IGSF3: variants seen among roughly 807,000 people sequenced by gnomAD.
IGSF3 encodes the protein glu-Trp-Ile EWI motif-containing protein 3.
Under a neutral mutation model 114.4 loss-of-function variants are expected in IGSF3, and 23 were observed. The ratio of observed to expected loss-of-function variants is 0.20; its 90% CI spans 0.14 to 0.28. The LOEUF (loss-of-function observed/expected upper bound fraction) is 0.28. IGSF3 is among the 10% of genes least tolerant of loss of function. IGSF3 has a pLI of 1.00. For missense variants in IGSF3, 1,172 were observed against 1,591.5 expected (o/e 0.74, Z 4.48); for synonymous variants, 571 against 645.2 (o/e 0.88, Z 1.74).
Position 116,666,377 on chromosome 1 carries a change from T to A in IGSF3, c.-51A>T. The stretch of plus-strand genomic sequence containing the variant: ...ACAAGGCGCTTCCTCTTCTCCCAGC[T>A]CCTAATCTCTCATTTCTGGCAATCC... On this transcript the variant is annotated 5_prime_UTR_variant, in exon 2 of 11. Coordinates refer to ENST00000369486, the MANE Select transcript of IGSF3 (RefSeq NM_001007237.3). 6.5e-7 allele frequency: 1 copy of A among 1,546,506 alleles called. No individual in the cohort carries two copies.
chr1:116,609,213 GCCT>G (rs1373333758), intron 4 of IGSF3, among the ~76,000 whole-genome samples: 1 of 151,880 alleles, frequency 6.6e-6, no homozygotes, highest in Non-Finnish European at 1.5e-5. Flanking sequence ...AACCCAAGCA[GCCT>G]CCTAAGATCT....
In IGSF3 at chr1:116,579,985, G is replaced by T; in HGVS notation, c.2849-108C>A. The T allele has an allele frequency of 9.9e-7, 1 of 1,014,572 alleles. No homozygotes were observed. Among genetic ancestry groups the T allele is most frequent in the Non-Finnish European group, 1.4e-6 (1 of 713,204 alleles). The allele number at this position is 1,014,572 out of a possible 1,614,324, so 62.8% of individuals were successfully genotyped here. ...CATGATAGTAACATCCATACTATAA[G>T]ATATTATGCACCTATTGAAAAGGCA... On this transcript the variant is annotated intron_variant, in intron 9 of 10. Transcript: ENST00000369486. The surrounding 1 kb of genome is among the most constrained non-coding windows in gnomAD (Gnocchi z 6.4).
intron 8 of IGSF3, among the ~76,000 whole-genome samples, chr1:116,587,072 C>T (rs535823670): frequency 6.6e-6 from 1 of 151,964 alleles, no homozygotes; most frequent in South Asian, 2.1e-4. Context: ...GGGCACAGGC[C>T]ACATGTGGAG....
rs1415042576 is a variant in IGSF3, at chr1:116,605,929, T to G, written c.1223-1904A>C. Among the ~76,000 whole-genome samples the G allele has an allele frequency of 6.6e-6, 1 of 152,162 alleles. No homozygotes were observed. The highest frequency in any genetic ancestry group is 1.5e-5 in the Non-Finnish European group (1 of 68,024). ...TTGAAAGGGCTACTGTTTGGTGGTG[T>G]CTGTTGCTTGAGCAAGCCTGGAAAC... On this transcript the variant is annotated intron_variant, in intron 5 of 10. Coordinates refer to ENST00000369486, the MANE Select transcript of IGSF3 (RefSeq NM_001007237.3). This position sits in a 1 kb window ranked among gnomAD's most constrained non-coding sequence, Gnocchi z 5.1.
chr1:116,667,236 AG>A (rs1649371681), intron 1 of IGSF3, among the ~76,000 whole-genome samples: 1 of 152,096 alleles, frequency 6.6e-6, no homozygotes, highest in African/African-American at 2.4e-5. Context: ...CGCCGCAGGT[AG>A]CCCCACCCTC....
At chr1:116,626,566 C>T (rs1185686839) in intron 2 of IGSF3, among the ~76,000 whole-genome samples, 2 of 152,100 alleles carry the variant, frequency 1.3e-5, no homozygotes, top group Non-Finnish European at 2.9e-5. Context: ...TGAATTTGTA[C>T]AATCCCCAGC....
At chr1:116,656,311 T>C (rs1648845444) in intron 2 of IGSF3, among the ~76,000 whole-genome samples, 1 of 140,244 alleles carries the variant, frequency 7.1e-6, no homozygotes, top group Admixed American at 7.1e-5. Context: ...TTTTTTTTTT[T>C]TTTTTTTTTG....
chr1:116,659,424 C>T (rs1038174694), intron 2 of IGSF3, among the ~76,000 whole-genome samples: 25 of 152,016 alleles, frequency 1.6e-4, no homozygotes, highest in African/African-American at 5.8e-4. Flanking sequence ...TGATTTTCCA[C>T]AAATATAAGC....
Position 116,608,002 on chromosome 1 carries a change from C to G in IGSF3, c.1162G>C (p.Glu388Gln). 2 of 1,613,972 alleles carry G rather than the reference C, an allele frequency of 1.2e-6. No individual in the cohort carries two copies. The highest frequency in any genetic ancestry group is 1.7e-6 in the Non-Finnish European group (2 of 1,179,840). The change falls in exon 5 of 11, where the codon GAA becomes CAA. Residue 388 changes from glutamate to glutamine, a missense_variant. By Grantham distance (29) the Glu-to-Gln change is conservative. Coordinates refer to ENST00000369486, the MANE Select transcript of IGSF3 (RefSeq NM_001007237.3). ...CGCTTGCTCTCCTTATCAATGAATTCCCCGGTCACGGTTTTCTCTCGCTCA... is the reference window on the plus strand; with the variant it reads ...CGCTTGCTCTCCTTATCAATGAATTGCCCGGTCACGGTTTTCTCTCGCTCA... ...VTEREKTVTG[E>Q]FIDKESKRPK...
chr1:116,603,654 C>A lies in IGSF3; in HGVS notation c.1594G>T (p.Ala532Ser), dbSNP rs760388991. 9 of 1,613,756 alleles carry A rather than the reference C, an allele frequency of 5.6e-6. No individual in the cohort carries two copies. The Middle Eastern group carries it at 1.2e-3, about 207-fold the overall frequency. ...GEWQIVGERR[A>S]STPISITALE... ...GCTGTGATGGAGATGGGAGTGCTGGCCCGGCGCTCCCCAACAATCTGCCAC... is the reference window on the plus strand; with the variant it reads ...GCTGTGATGGAGATGGGAGTGCTGGACCGGCGCTCCCCAACAATCTGCCAC... The change falls in exon 6 of 11, where the codon GCC becomes TCC. Residue 532 changes from alanine to serine, a missense_variant. Around this residue, in one of 3 missense-constraint regions of IGSF3, gnomAD observed 736 missense variants for 1,042.0 expected, o/e 0.71. Transcript: ENST00000369486. The surrounding 1 kb of genome is among the most constrained non-coding windows in gnomAD (Gnocchi z 7.1).
chr1:116,620,255 G>A (rs1475556304), intron 2 of IGSF3, among the ~76,000 whole-genome samples: 2 of 152,176 alleles, frequency 1.3e-5, no homozygotes, highest in African/African-American at 4.8e-5. Context: ...TTTCAAGGAA[G>A]GAGCTGGCCA....
At chr1:116,608,657 A>G (rs1363712323) in intron 4 of IGSF3, among the ~76,000 whole-genome samples, 2 of 152,232 alleles carry the variant, frequency 1.3e-5, no homozygotes, top group Non-Finnish European at 2.9e-5. Flanking sequence ...GAAGCTACTA[A>G]TATCACTCAA....
chr1:116,666,106 G>A (rs1349302534), intron 2 of IGSF3, among the ~76,000 whole-genome samples, 178 bp downstream of exon 2: 2 of 152,086 alleles, frequency 1.3e-5, no homozygotes, highest in Non-Finnish European at 2.9e-5. Context: ...ATATTCCACC[G>A]TTGCTCTTGG....
At chr1:116,609,479 T>C (rs2101475087) in intron 4 of IGSF3, among the ~76,000 whole-genome samples, 1 of 152,226 alleles carries the variant, frequency 6.6e-6, no homozygotes, top group Non-Finnish European at 1.5e-5. Context: ...TCACAACCTG[T>C]GTACCAGTGT....
rs1466729364 is a variant in IGSF3, at chr1:116,603,451, T to C, written c.1624+173A>G. Among the ~76,000 whole-genome samples, 10 of 152,224 alleles carry C rather than the reference T, an allele frequency of 6.6e-5. No individual in the cohort carries two copies. Among genetic ancestry groups the C allele is most frequent in the African/African-American group, 2.2e-4 (9 of 41,454 alleles). On this transcript the variant is annotated intron_variant, in intron 6 of 10. Coordinates refer to ENST00000369486, the MANE Select transcript of IGSF3 (RefSeq NM_001007237.3). This position sits in a 1 kb window ranked among gnomAD's most constrained non-coding sequence, Gnocchi z 7.1. ...TCCCTGCTAGCACTATCTTAATTAA[T>C]TAAACCCTTATAAGAAATAAAATAG...
chr1:116,586,147 G>GC lies in IGSF3; in HGVS notation c.2441-1096dup, dbSNP rs553877987. ...GTGACATCAGAGGAGGGGAGGTTGG[G>GC]CACTTTCACTCATTACTTTCTACAC... On this transcript the variant is annotated intron_variant, in intron 8 of 10. Transcript: ENST00000369486. 5.0e-3 allele frequency among the ~76,000 whole-genome samples: 764 copies of GC among 152,242 alleles called. 4 individuals carry two copies. The highest frequency in any genetic ancestry group is 0.01 in the Middle Eastern group (3 of 294).
At chr1:116,659,847 T>C (rs565020585) in intron 2 of IGSF3, among the ~76,000 whole-genome samples, 1 of 152,312 alleles carries the variant, frequency 6.6e-6, no homozygotes, top group East Asian at 1.9e-4. Flanking sequence ...CTCAAACTCC[T>C]GAGCTCAAGT....
In IGSF3 at chr1:116,595,922, G is replaced by A. The variant is rs1194465667; in HGVS notation, c.2029+4019C>T. On this transcript the variant is annotated intron_variant, in intron 7 of 10. Coordinates refer to ENST00000369486, the MANE Select transcript of IGSF3 (RefSeq NM_001007237.3). The surrounding 1 kb of genome is among the most constrained non-coding windows in gnomAD (Gnocchi z 4.2). ...TGAAAGTCTTGCCTAAGCACCCCTT[G>A]AGGGGTCACACTATGTGATCAATGG... 6.6e-6 allele frequency among the ~76,000 whole-genome samples: 1 copy of A among 152,250 alleles called. No individual in the cohort carries two copies. The highest frequency in any genetic ancestry group is 1.5e-5 in the Non-Finnish European group (1 of 68,040).
In IGSF3 at chr1:116,612,452, C is replaced by T. The variant is rs1178527841; in HGVS notation, c.832+1313G>A. ...CAGAAGAATCACCTGGGAAGCGTGCCGGAAATCCAGCTTCCCAGGTCCCAT... is the reference window on the plus strand; with the variant it reads ...CAGAAGAATCACCTGGGAAGCGTGCTGGAAATCCAGCTTCCCAGGTCCCAT... On this transcript the variant is annotated intron_variant, in intron 4 of 10. Coordinates refer to ENST00000369486, the MANE Select transcript of IGSF3 (RefSeq NM_001007237.3). This position sits in a 1 kb window ranked among gnomAD's most constrained non-coding sequence, Gnocchi z 4.1. Among the ~76,000 whole-genome samples the T allele has an allele frequency of 2.6e-5, 4 of 151,936 alleles. No individual in the cohort carries two copies. Among genetic ancestry groups the T allele is most frequent in the East Asian group, 1.9e-4 (1 of 5,174 alleles).
Sources: allele counts gnomAD v4.1 joint callset (sites outside exome capture counted in the v4.1 genomes callset), GRCh38; gene constraint gnomAD v4.1.1; regional missense constraint gnomAD v4.1.1; non-coding constraint Gnocchi (gnomAD v3.1); transcripts MANE v1.5; gene names NCBI Gene and HGNC (gene_info 2026-07-23, HGNC 2026-07-21).